The following SMOC1 variants were observed in gnomAD, a reference collection of about 807,000 sequenced individuals.
SMOC1 encodes SPARC-related modular calcium-binding protein 1.
SMOC1 carries 22 observed loss-of-function variants against 56.3 expected under a neutral mutation model. The ratio of observed to expected loss-of-function variants is 0.39; its 90% CI spans 0.28 to 0.56. The LOEUF is 0.56. Among genes scored for constraint, SMOC1 ranks in the 20% least tolerant of loss-of-function variants. The pLI, the probability that SMOC1 is intolerant of heterozygous loss-of-function variation, is 0.61. For synonymous variants in SMOC1, 193 were observed against 215.0 expected (o/e 0.90, Z 0.89); for missense variants, 509 against 565.4 (o/e 0.90, Z 1.01).
At chr14:69,937,205 C>T (rs1007161341) in intron 1 of SMOC1, among the ~76,000 whole-genome samples, 2 of 152,176 alleles carry the variant, frequency 1.3e-5, no homozygotes, top group Non-Finnish European at 2.9e-5. Context: ...CTTGTTTCTA[C>T]AGGACTGCTT....
chr14:69,903,293 G>A (rs969714565), intron 1 of SMOC1, among the ~76,000 whole-genome samples: 2 of 150,702 alleles, frequency 1.3e-5, no homozygotes, highest in African/African-American at 4.9e-5. Flanking sequence ...GGTGAGAAGC[G>A]TCTCTGCCCG....
At chr14:69,945,896 G>A (rs1043279186) in intron 1 of SMOC1, among the ~76,000 whole-genome samples, 1 of 152,114 alleles carries the variant, frequency 6.6e-6, no homozygotes, top group Non-Finnish European at 1.5e-5. Context: ...CTACACCCAG[G>A]AAAAATATAC....
chr14:70,018,483 A>G (rs1377592052), intron 10 of SMOC1, among the ~76,000 whole-genome samples: 1 of 152,182 alleles, frequency 6.6e-6, no homozygotes, highest in Non-Finnish European at 1.5e-5. Flanking sequence ...TGTGCATTGC[A>G]AATATCAATG....
intron 7 of SMOC1, among the ~76,000 whole-genome samples, chr14:69,999,350 C>T (rs1384916051): frequency 2.0e-5 from 3 of 152,074 alleles, no homozygotes; most frequent in South Asian, 2.1e-4. Flanking sequence ...ACTCTTGGCC[C>T]GCCTAGAAAC....
chr14:69,971,780 T>A (rs1883773207), intron 3 of SMOC1, among the ~76,000 whole-genome samples: 1 of 152,354 alleles, frequency 6.6e-6, no homozygotes, highest in South Asian at 2.1e-4. Flanking sequence ...GAAACGTTTC[T>A]CTCCTCTGCT....
intron 1 of SMOC1, among the ~76,000 whole-genome samples, chr14:69,939,452 G>A (rs1328064592): frequency 1.3e-5 from 2 of 152,204 alleles, no homozygotes; most frequent in Non-Finnish European, 1.5e-5. Context: ...GGAGCTACAA[G>A]TCAAGATGAG....
At position 69,919,857 on chromosome 14, in the gene SMOC1, C is replaced by T. The variant is rs1884785641; in HGVS notation, c.100-32281C>T. Among the ~76,000 whole-genome samples, 2 of 151,970 alleles carry T rather than the reference C, an allele frequency of 1.3e-5. 1 individual carries two copies. Among genetic ancestry groups the T allele is most frequent in the South Asian group, 4.1e-4 (2 of 4,822 alleles). ...ATAACTTATATTGGGTAAAGATTAT[C>T]CAATATGAAATTAATACAACCATCT... On this transcript the variant is annotated intron_variant, in intron 1 of 11. Coordinates refer to ENST00000361956, the MANE Select transcript of SMOC1 (RefSeq NM_001034852.3).
intron 1 of SMOC1, among the ~76,000 whole-genome samples, chr14:69,924,182 C>A (rs573644748): frequency 3.0e-4 from 46 of 152,324 alleles, no homozygotes; most frequent in Middle Eastern, 6.8e-3. Context: ...CACTCAGGCC[C>A]CAGCCTAGAG....
intron 7 of SMOC1, among the ~76,000 whole-genome samples, chr14:70,005,841 G>A (rs146450940): frequency 0.01 from 1,586 of 152,178 alleles, 13 homozygotes; most frequent in Non-Finnish European, 0.015. Flanking sequence ...CTCCCCTTCC[G>A]TTTATGGCTT....
At chr14:70,001,441 G>T (rs1362689849) in intron 7 of SMOC1, among the ~76,000 whole-genome samples, 1 of 152,172 alleles carries the variant, frequency 6.6e-6, no homozygotes, top group Non-Finnish European at 1.5e-5. Context: ...GTGGGGAGGA[G>T]TATTTTATCA....
intron 1 of SMOC1, among the ~76,000 whole-genome samples, chr14:69,949,365 C>T (rs1278102512): frequency 1.3e-5 from 2 of 152,178 alleles, no homozygotes; most frequent in East Asian, 3.8e-4. Flanking sequence ...TACAGGGCTG[C>T]ACTCCTCCCA....
chr14:69,903,008 T>A (rs1350409897), intron 1 of SMOC1, among the ~76,000 whole-genome samples: 1 of 152,154 alleles, frequency 6.6e-6, no homozygotes, highest in Non-Finnish European at 1.5e-5. Context: ...CCTCCCAAAG[T>A]GCCTAGATTG....
At chr14:69,961,768 T>C in intron 3 of SMOC1, among the ~76,000 whole-genome samples, 1 of 152,230 alleles carries the variant, frequency 6.6e-6, no homozygotes, top group East Asian at 1.9e-4. Flanking sequence ...TCTTGGCATA[T>C]ACCTAGGAGT....
chr14:69,931,027 G>T (rs377179873), intron 1 of SMOC1, among the ~76,000 whole-genome samples: 1 of 152,086 alleles, frequency 6.6e-6, no homozygotes, highest in Non-Finnish European at 1.5e-5. Context: ...CCTTCACTCT[G>T]TTCTGCCCTC....
chr14:69,947,428 C>T (rs1882826031), intron 1 of SMOC1, among the ~76,000 whole-genome samples: 2 of 152,168 alleles, frequency 1.3e-5, no homozygotes, highest in South Asian at 2.1e-4. Context: ...TCTTGACCTC[C>T]CAAAGTGCTG....
At chr14:69,945,772 T>C (rs555293578) in intron 1 of SMOC1, among the ~76,000 whole-genome samples, 1 of 152,192 alleles carries the variant, frequency 6.6e-6, no homozygotes, top group Non-Finnish European at 1.5e-5. Flanking sequence ...GATTTTTGAG[T>C]ATGGTATCAC....
intron 3 of SMOC1, among the ~76,000 whole-genome samples, chr14:69,960,672 A>G (rs1883339212): frequency 6.6e-6 from 1 of 152,194 alleles, no homozygotes; most frequent in South Asian, 2.1e-4. Context: ...CTTGTTTTAC[A>G]TGTGTTTTTC....
chr14:69,974,188 G>T (rs887444761), intron 3 of SMOC1, among the ~76,000 whole-genome samples: 1 of 152,156 alleles, frequency 6.6e-6, no homozygotes, highest in African/African-American at 2.4e-5. Context: ...ATCTTGAGAG[G>T]GGGGAGTGGA....
intron 3 of SMOC1, among the ~76,000 whole-genome samples, chr14:69,966,583 C>T (rs1883584945): frequency 6.6e-6 from 1 of 152,186 alleles, no homozygotes; most frequent in Admixed American, 6.5e-5. Flanking sequence ...CCTCTACCTA[C>T]CCCACTCCAA....
Sources: gnomAD v4.1 joint callset for allele counts (sites outside exome capture counted in the v4.1 genomes callset) on GRCh38, gnomAD v4.1.1 for gene constraint, MANE v1.5 for transcripts, NCBI Gene and HGNC (gene_info 2026-07-23, HGNC 2026-07-21) for gene names.